The following RBFOX1 variants were observed in gnomAD, a reference collection of about 807,000 sequenced individuals.
The protein encoded by RBFOX1 is RNA binding protein fox-1 homolog 1.
Under a neutral mutation model 57.7 loss-of-function variants are expected in RBFOX1, and 8 were observed. The observed-to-expected ratio is 0.14, with a 90% CI of 0.08 to 0.25. RBFOX1 has a LOEUF of 0.25. Ranked by LOEUF, RBFOX1 falls within the 10% of genes least tolerant of loss-of-function variation. The pLI, the probability that RBFOX1 is intolerant of heterozygous loss-of-function variation, is 1.00. For missense variants in RBFOX1, 611 were observed against 548.5 expected, an observed-to-expected ratio of 1.11 and a Z score of -1.14; for synonymous variants, 326 against 222.4, an observed-to-expected ratio of 1.47 and a Z score of -4.15.
At position 5,832,546 on chromosome 16, in the gene RBFOX1, T is replaced by C. The variant is rs150742180; in HGVS notation, c.319-34757T>C. Among the ~76,000 whole-genome samples, 419 of 152,288 alleles carry C rather than the reference T, an allele frequency of 2.8e-3. 3 individuals carry two copies. Among genetic ancestry groups the C allele is most frequent in the Non-Finnish European group, 2.7e-3 (185 of 68,028 alleles). ...GAAATGCTTAGTTCACAGCCTGGCA[T>C]GTAGAATATAACACATGTTAGCTGT... On this transcript the variant is annotated intron_variant, in intron 3 of 19. Coordinates refer to the RBFOX1 transcript ENST00000641259.
chr16:5,696,974 A>C (rs1255248102), intron 3 of RBFOX1, among the ~76,000 whole-genome samples: 1 of 152,104 alleles, frequency 6.6e-6, no homozygotes, highest in Non-Finnish European at 1.5e-5. Flanking sequence ...GTACAGTGGC[A>C]CAGTCTTGAC....
intron 14 of RBFOX1, among the ~76,000 whole-genome samples, chr16:7,706,305 A>T (rs2082419052): frequency 6.6e-6 from 1 of 152,228 alleles, no homozygotes; most frequent in Non-Finnish European, 1.5e-5. Context: ...CTGAAGGTAG[A>T]GGTCACCCTG....
At chr16:5,328,893 C>T (rs1363613445) in intron 1 of RBFOX1, among the ~76,000 whole-genome samples, 1 of 152,220 alleles carries the variant, frequency 6.6e-6, no homozygotes, top group Admixed American at 6.5e-5. Context: ...GATTCCGGGT[C>T]CTACCCAGTT....
chr16:5,480,815 G>A (rs1472880994), intron 2 of RBFOX1, among the ~76,000 whole-genome samples: 2 of 152,212 alleles, frequency 1.3e-5, no homozygotes, highest in Non-Finnish European at 2.9e-5. Context: ...GTCACCAAGT[G>A]GATGTACCAT....
chr16:5,272,066 G>T (rs936137532), intron 1 of RBFOX1, among the ~76,000 whole-genome samples: 2 of 152,214 alleles, frequency 1.3e-5, no homozygotes, highest in Non-Finnish European at 2.9e-5. Context: ...ACATAGGAAT[G>T]TAGAGATCCC....
At chr16:7,234,088 C>T (rs73544803) in intron 4 of RBFOX1, among the ~76,000 whole-genome samples, 1,748 of 152,190 alleles carry the variant, frequency 0.011, 36 homozygotes, top group African/African-American at 0.04. Flanking sequence ...CACAAGAATG[C>T]TTGGTCAATT....
intron 3 of RBFOX1, among the ~76,000 whole-genome samples, chr16:6,826,198 G>C (rs1165893951): frequency 6.6e-6 from 1 of 152,074 alleles, no homozygotes; most frequent in African/African-American, 2.4e-5. Context: ...TGTATGTATT[G>C]AGTCAGTCGA....
At chr16:6,743,153 C>A (rs537021495) in intron 3 of RBFOX1, among the ~76,000 whole-genome samples, 1 of 151,926 alleles carries the variant, frequency 6.6e-6, no homozygotes, top group Non-Finnish European at 1.5e-5. Context: ...TACTGTAAAC[C>A]CTTAAGTTCC....
intron 2 of RBFOX1, among the ~76,000 whole-genome samples, chr16:6,646,944 G>A (rs764489031): frequency 3.4e-4 from 51 of 152,146 alleles, no homozygotes; most frequent in Non-Finnish European, 6.6e-4. Context: ...CTAGGACTGG[G>A]CCTTACAGGT....
chr16:5,813,928 T>A (rs186154234), intron 3 of RBFOX1, among the ~76,000 whole-genome samples: 4 of 152,358 alleles, frequency 2.6e-5, no homozygotes, highest in Admixed American at 2.6e-4. Context: ...GATTGGCTTA[T>A]CGTAGGTGTT....
chr16:5,258,692 C>T (rs1470168682), intron 1 of RBFOX1, among the ~76,000 whole-genome samples: 11 of 152,060 alleles, frequency 7.2e-5, no homozygotes, highest in African/African-American at 1.2e-4. Context: ...CCAAGGTAGG[C>T]GGATCACGAG....
At chr16:7,303,782 T>A (rs1190847688) in intron 4 of RBFOX1, among the ~76,000 whole-genome samples, 1 of 149,580 alleles carries the variant, frequency 6.7e-6, no homozygotes, top group East Asian at 2.0e-4. Context: ...TCTCTCTCTC[T>A]GTCTCTCCCC....
At chr16:6,237,863 G>C (rs1021065319) in intron 1 of RBFOX1, among the ~76,000 whole-genome samples, 13 of 152,102 alleles carry the variant, frequency 8.5e-5, no homozygotes, top group African/African-American at 2.9e-4. Flanking sequence ...GGAGGCCAAG[G>C]TGGGCGGGTC....
At chr16:6,792,579 C>G (rs56292329) in intron 3 of RBFOX1, among the ~76,000 whole-genome samples, 4,509 of 152,270 alleles carry the variant, frequency 0.03, 202 homozygotes, top group African/African-American at 0.096. Flanking sequence ...CCATGTAGTA[C>G]TGTGCCTCCT....
intron 10 of RBFOX1, among the ~76,000 whole-genome samples, chr16:7,626,151 G>T (rs763024666): frequency 1.1e-4 from 16 of 152,370 alleles, no homozygotes; most frequent in Non-Finnish European, 1.8e-4. Context: ...AGGCATGGAG[G>T]TGTGAAACTG....
At chr16:5,858,010 C>T (rs529440214) in intron 3 of RBFOX1, among the ~76,000 whole-genome samples, 1 of 152,092 alleles carries the variant, frequency 6.6e-6, no homozygotes, top group African/African-American at 2.4e-5. Context: ...GTGGTATTTC[C>T]AATATGTAGA....
At chr16:5,323,731 A>C (rs756179255) in intron 1 of RBFOX1, among the ~76,000 whole-genome samples, 1 of 152,122 alleles carries the variant, frequency 6.6e-6, no homozygotes, top group Admixed American at 6.5e-5. Context: ...TCTTGAATTC[A>C]TCTTCAACAA....
intron 4 of RBFOX1, among the ~76,000 whole-genome samples, chr16:5,955,118 T>TTA (rs2059599305): frequency 1.4e-4 from 2 of 14,284 alleles, no homozygotes; most frequent in African/African-American, 7.2e-4. Context: ...CCATCTCTAC[T>TTA]AAAAAAAAAA....
intron 1 of RBFOX1, among the ~76,000 whole-genome samples, chr16:6,193,645 A>G (rs151225443): frequency 6.8e-4 from 103 of 151,944 alleles, no homozygotes; most frequent in Middle Eastern, 3.4e-3. Context: ...GGCAGCAGTG[A>G]GTGTGCAGTA....
Sources: gnomAD v4.1 joint callset for allele counts (sites outside exome capture counted in the v4.1 genomes callset) on GRCh38, gnomAD v4.1.1 for gene constraint, MANE v1.5 for transcripts, NCBI Gene and HGNC (gene_info 2026-07-23, HGNC 2026-07-21) for gene names.